The following RAB38 variants were observed in gnomAD, a reference collection of about 807,000 sequenced individuals.
RAB38 encodes ras-related protein Rab-38.
RAB38 carries 15 observed loss-of-function variants against 18.4 expected under a neutral mutation model. The ratio of observed to expected loss-of-function variants is 0.82; its 90% CI spans 0.55 to 1.26. The LOEUF (loss-of-function observed/expected upper bound fraction) is 1.26, where lower values mean the gene tolerates loss of function less well. RAB38 is among the 50% of genes most tolerant of loss of function. The pLI is 0.00. For missense variants in RAB38, 294 were observed against 267.4 expected (o/e 1.10, Z -0.69); for synonymous variants, 101 against 104.4 (o/e 0.97, Z 0.20).
the RAB38 span, among the ~76,000 whole-genome samples, chr11:88,011,503 T>C: frequency 2.0e-5 from 3 of 152,160 alleles, no homozygotes; most frequent in Non-Finnish European, 2.9e-5. Flanking sequence ...AACTCAAACA[T>C]AGCTGTATCT....
chr11:88,045,951 GA>G, the RAB38 span, among the ~76,000 whole-genome samples: 1 of 152,040 alleles, frequency 6.6e-6, no homozygotes, highest in African/African-American at 2.4e-5. Flanking sequence ...ATTAGGCCGA[GA>G]CACTTTAACT....
chr11:87,827,815 C>T, the RAB38 span, among the ~76,000 whole-genome samples: 1 of 152,144 alleles, frequency 6.6e-6, no homozygotes, highest in Non-Finnish European at 1.5e-5. Flanking sequence ...CCTATAGAAG[C>T]TGCTCTAAAC....
the RAB38 span, among the ~76,000 whole-genome samples, chr11:88,043,139 C>T: frequency 1.6e-4 from 24 of 152,276 alleles, no homozygotes; most frequent in Admixed American, 6.5e-4. Context: ...ACCATCTCTG[C>T]GAGACATTTC....
At chr11:87,828,099 CTG>C in the RAB38 span, among the ~76,000 whole-genome samples, 1 of 152,122 alleles carries the variant, frequency 6.6e-6, no homozygotes, top group Non-Finnish European at 1.5e-5. Context: ...TATGGAAACT[CTG>C]TGCTCTATCT....
the RAB38 span, among the ~76,000 whole-genome samples, chr11:87,813,657 C>G: frequency 1.3e-5 from 2 of 152,190 alleles, no homozygotes; most frequent in South Asian, 4.2e-4. Flanking sequence ...TACCTATTGT[C>G]TCTTCAGGGT....
At chr11:87,852,473 C>T in the RAB38 span, among the ~76,000 whole-genome samples, 2 of 151,750 alleles carry the variant, frequency 1.3e-5, no homozygotes, top group Admixed American at 6.6e-5. Flanking sequence ...ATATTGTGAG[C>T]AAAATATTCT....
the RAB38 span, among the ~76,000 whole-genome samples, chr11:87,965,642 C>T: frequency 3.3e-5 from 5 of 152,248 alleles, no homozygotes; most frequent in South Asian, 2.1e-4. Flanking sequence ...TTGATCAGGA[C>T]AGTTGGGACA....
chr11:88,169,663 C>T (rs376703974), intron 1 of RAB38, among the ~76,000 whole-genome samples: 86 of 152,302 alleles, frequency 5.6e-4, no homozygotes, highest in African/African-American at 1.7e-3. Flanking sequence ...GCAGCCCTGA[C>T]GCACTCACAG....
At chr11:87,814,271 G>A in the RAB38 span, among the ~76,000 whole-genome samples, 3 of 152,098 alleles carry the variant, frequency 2.0e-5, no homozygotes, top group South Asian at 2.1e-4. Context: ...TATGTCCGAC[G>A]AATGATTTTA....
chr11:87,860,752 CTT>C, the RAB38 span, among the ~76,000 whole-genome samples: 3 of 151,794 alleles, frequency 2.0e-5, no homozygotes, highest in African/African-American at 7.2e-5. Flanking sequence ...AACATCTGGA[CTT>C]TTTATTTTCA....
At chr11:87,871,649 T>A in the RAB38 span, among the ~76,000 whole-genome samples, 1 of 151,608 alleles carries the variant, frequency 6.6e-6, no homozygotes, top group Non-Finnish European at 1.5e-5. Context: ...ACATTATCAA[T>A]ATCCTGGAAA....
chr11:87,977,489 T>A, the RAB38 span, among the ~76,000 whole-genome samples: 1 of 75,240 alleles, frequency 1.3e-5, no homozygotes, highest in Non-Finnish European at 2.5e-5. Context: ...TAATTATATA[T>A]AATATAATTT....
chr11:88,113,874 T>C lies in RAB38; in HGVS notation c.*114A>G, dbSNP rs1942509278. On this transcript the variant is annotated 3_prime_UTR_variant, in exon 3 of 3. Coordinates refer to ENST00000243662, the MANE Select transcript of RAB38 (RefSeq NM_022337.3). ...ACTGAAAAAACAGAGGCATAGATCT[T>C]TGGCTTGCCACATGTGGTATCTCTA... The C allele has an allele frequency of 4.0e-6, 5 of 1,265,734 alleles. No individual in the cohort carries two copies. Among genetic ancestry groups the C allele is most frequent in the Middle Eastern group, 1.9e-4 (1 of 5,200 alleles). The allele number at this position is 1,265,734 out of a possible 1,614,324, so 78.4% of individuals were successfully genotyped here. A position where few individuals can be genotyped will look rare whatever the true frequency, so the allele number is the denominator to read the frequency against.
the RAB38 span, among the ~76,000 whole-genome samples, chr11:87,900,320 A>G: frequency 1.2e-3 from 183 of 151,690 alleles, 1 homozygote; most frequent in African/African-American, 4.3e-3. Flanking sequence ...CTCCCATAGT[A>G]TAGAAATCAA....
the RAB38 span, among the ~76,000 whole-genome samples, chr11:87,809,459 G>T: frequency 1.3e-5 from 2 of 152,292 alleles, no homozygotes; most frequent in African/African-American, 4.8e-5. Context: ...AGCAACACAA[G>T]GCCAAGTCAC....
intron 1 of RAB38, chr11:88,165,936 G>A (rs755123783): frequency 6.6e-6 from 1 of 151,954 alleles, no homozygotes; most frequent in African/African-American, 2.4e-5. Flanking sequence ...CTACAAACAA[G>A]GGAAAGAAAA....
At chr11:87,952,928 G>C in the RAB38 span, among the ~76,000 whole-genome samples, 1 of 151,862 alleles carries the variant, frequency 6.6e-6, no homozygotes, top group African/African-American at 2.4e-5. Context: ...CTTTATTATA[G>C]ACAATAAGTA....
chr11:87,867,239 G>C, the RAB38 span, among the ~76,000 whole-genome samples: 1 of 151,728 alleles, frequency 6.6e-6, no homozygotes, highest in African/African-American at 2.4e-5. Flanking sequence ...TTAGAGTTCA[G>C]TGGGCACCAT....
chr11:87,850,489 C>T, the RAB38 span, among the ~76,000 whole-genome samples: 1 of 152,136 alleles, frequency 6.6e-6, no homozygotes, highest in South Asian at 2.1e-4. Flanking sequence ...TGTGCACGCG[C>T]ATGCACTCTT....
Sources: gnomAD v4.1 joint callset for allele counts (sites outside exome capture counted in the v4.1 genomes callset) on GRCh38, gnomAD v4.1.1 for gene constraint, MANE v1.5 for transcripts, NCBI Gene and HGNC (gene_info 2026-07-23, HGNC 2026-07-21) for gene names.